Variants in ADA2 observed in about 807,000 individuals in gnomAD.
The protein encoded by ADA2 is adenosine deaminase 2.
Under a neutral mutation model 44.2 loss-of-function variants are expected in ADA2, and 29 were observed. That is an observed-to-expected ratio of 0.66 (90% CI 0.49 to 0.89). The LOEUF (loss-of-function observed/expected upper bound fraction) is 0.89. ADA2 is among the 40% of genes least tolerant of loss of function. The pLI, the probability that ADA2 is intolerant of heterozygous loss-of-function variation, is 0.00. For synonymous variants in ADA2, 215 were observed against 234.9 expected (o/e 0.92, Z 0.77); for missense variants, 637 against 644.8 (o/e 0.99, Z 0.13).
chr22:17,187,977 G>GC (rs34707531), intron 7 of ADA2, among the ~76,000 whole-genome samples: 13,960 of 151,792 alleles, frequency 0.092, 711 homozygotes, highest in African/African-American at 0.12. Flanking sequence ...GGTGGCAGGT[G>GC]CCTGTAGTAC....
At chr22:17,205,676 T>C (rs1601457404) in intron 3 of ADA2, among the ~76,000 whole-genome samples, 1 of 152,224 alleles carries the variant, frequency 6.6e-6, no homozygotes, top group East Asian at 1.9e-4. Context: ...TTGTCACTTA[T>C]AATATTACTA....
chr22:17,211,570 A>C (rs2062418497), intron 1 of ADA2, among the ~76,000 whole-genome samples: 1 of 151,756 alleles, frequency 6.6e-6, no homozygotes, highest in African/African-American at 2.4e-5. Context: ...GAAATCGAGG[A>C]TGCAATGAGC....
chr22:17,203,257 G>A (rs2062312315), intron 4 of ADA2, among the ~76,000 whole-genome samples: 1 of 152,044 alleles, frequency 6.6e-6, no homozygotes, highest in Non-Finnish European at 1.5e-5. Context: ...CCCCTAAGAT[G>A]GCTCTATCCC....
At chr22:17,200,627 G>A (rs1000889577) in intron 4 of ADA2, among the ~76,000 whole-genome samples, 1 of 152,004 alleles carries the variant, frequency 6.6e-6, no homozygotes, top group African/African-American at 2.4e-5. Flanking sequence ...GGGCATGGTG[G>A]CTCGTAATCT....
intron 7 of ADA2, 31 bp downstream of exon 7, chr22:17,188,308 C>T (rs761524963): frequency 3.6e-5 from 55 of 1,539,814 alleles, no homozygotes; most frequent in South Asian, 1.9e-4. Flanking sequence ...TGACCACCTC[C>T]GCTGCCTCTG....
intron 1 of ADA2, among the ~76,000 whole-genome samples, chr22:17,210,659 G>A (rs1415329332): frequency 1.7e-4 from 26 of 151,746 alleles, no homozygotes; most frequent in Non-Finnish European, 7.4e-5. Context: ...CTGCAGTGAC[G>A]TGATCTTGGC....
chr22:17,196,830 A>G (rs1164034219), intron 4 of ADA2, among the ~76,000 whole-genome samples: 2 of 152,320 alleles, frequency 1.3e-5, no homozygotes, highest in Middle Eastern at 3.4e-3. Context: ...AAGGGAGACC[A>G]AAGAAATAAC....
At chr22:17,193,232 C>A in intron 4 of ADA2, 1 of 1,052,824 alleles carries the variant, frequency 9.5e-7, no homozygotes, top group Non-Finnish European at 1.4e-6. Flanking sequence ...AACCACGAAG[C>A]CATCGTGGAA....
intron 1 of ADA2, 174 bp from the exon 2 acceptor site, chr22:17,209,897 T>C (rs1271578280): frequency 7.5e-6 from 4 of 533,740 alleles, no homozygotes; most frequent in Non-Finnish European, 1.3e-5. Flanking sequence ...CAATTTTTTT[T>C]TTTTTTTTTT....
chr22:17,200,742 T>G (rs2062271235), intron 4 of ADA2, among the ~76,000 whole-genome samples: 1 of 151,356 alleles, frequency 6.6e-6, no homozygotes, highest in Non-Finnish European at 1.5e-5. Flanking sequence ...ATTAGCTGGG[T>G]GTGGTGGTGC....
intron 4 of ADA2, among the ~76,000 whole-genome samples, chr22:17,198,104 C>G (rs542695773): frequency 6.6e-6 from 1 of 152,172 alleles, no homozygotes; most frequent in East Asian, 1.9e-4. Flanking sequence ...GGCTGGAGGC[C>G]GACCACATTT....
intron 2 of ADA2, 135 bp from the exon 3 acceptor site, chr22:17,207,425 T>C (rs1601459590): frequency 3.3e-6 from 2 of 607,740 alleles, no homozygotes; most frequent in East Asian, 5.6e-5. Context: ...TGAAGTCCCA[T>C]CCCAGGGCTC....
chr22:17,203,836 C>A (rs2062321686), intron 3 of ADA2, 63 bp from the exon 4 acceptor site: 1 of 1,076,972 alleles, frequency 9.3e-7, no homozygotes, highest in South Asian at 1.3e-5. Context: ...CCCGGGCGCC[C>A]ATAGGACTGC....
Position 17,181,162 on chromosome 22 carries a change from T to C in ADA2, c.*321A>G, listed in dbSNP as rs1050273175. 3 of 195,206 alleles carry C rather than the reference T, an allele frequency of 1.5e-5. No individual in the cohort carries two copies. Among genetic ancestry groups the C allele is most frequent in the Non-Finnish European group, 2.1e-5 (2 of 97,262 alleles). 12.1% of individuals were successfully genotyped at this position (195,206 alleles called of 1,614,324 possible). A position where few individuals can be genotyped will look rare whatever the true frequency, so the allele number is the denominator to read the frequency against. ...TCGAAAAAATACAAAAATAAAAAAA[T>C]AAAGAGACCAGAATAGAAGAGAGCC... On this transcript the variant is annotated 3_prime_UTR_variant, in exon 10 of 10. Coordinates refer to ENST00000399837, the MANE Select transcript of ADA2 (RefSeq NM_001282225.2).
At chr22:17,181,761 C>G (rs1229978102) in intron 9 of ADA2, 59 bp downstream of exon 9, 2 of 1,466,900 alleles carry the variant, frequency 1.4e-6, no homozygotes, top group Non-Finnish European at 1.9e-6. Flanking sequence ...TCCAGAGAGG[C>G]AAACACAAGC....
At position 17,181,162 on chromosome 22, in the gene ADA2, TAA is replaced by T. The variant is rs1398693272; in HGVS notation, c.*319_*320del. On this transcript the variant is annotated 3_prime_UTR_variant, in exon 10 of 10. Transcript: ENST00000399837. ...TCGAAAAAATACAAAAATAAAAAAA[TAA>T]AGAGACCAGAATAGAAGAGAGCCCA... is the stretch of plus-strand genomic sequence containing the variant. 1.0e-5 allele frequency: 2 copies of T among 195,206 alleles called. No individual in the cohort carries two copies. Among genetic ancestry groups the T allele is most frequent in the Non-Finnish European group, 2.1e-5 (2 of 97,262 alleles). 12.1% of individuals were successfully genotyped at this position (195,206 alleles called of 1,614,324 possible).
chr22:17,199,438 T>TCTTCCCCTCCCACCCCACCTCTATCCA, intron 4 of ADA2: 6 of 995,466 alleles, frequency 6.0e-6, no homozygotes, highest in Non-Finnish European at 9.6e-6. Flanking sequence ...TCCTCTATCC[T>TCTTCCCCTCCCACCCCACCTCTATCCA]CTTCCCCTCC....
At chr22:17,186,677 TA>T (rs2062039481) in intron 7 of ADA2, among the ~76,000 whole-genome samples, 1 of 151,888 alleles carries the variant, frequency 6.6e-6, no homozygotes, top group Non-Finnish European at 1.5e-5. Context: ...AAGACCAGCC[TA>T]ACCAACATGG....
intron 4 of ADA2, chr22:17,192,923 C>A: frequency 3.5e-6 from 2 of 572,320 alleles, no homozygotes; most frequent in Non-Finnish European, 6.6e-6. Context: ...CCTCAGACCC[C>A]TTGTGAAGCC....
Sources: allele counts gnomAD v4.1 joint callset (sites outside exome capture counted in the v4.1 genomes callset), GRCh38; gene constraint gnomAD v4.1.1; transcripts MANE v1.5; gene names NCBI Gene and HGNC (gene_info 2026-07-23, HGNC 2026-07-21).